Variants in OR51M1 observed in about 807,000 individuals in gnomAD.
The protein encoded by OR51M1 is olfactory receptor family 51 subfamily M member 1.
For synonymous variants in OR51M1, 199 were observed against 155.1 expected, an observed-to-expected ratio of 1.28 and a Z score of -2.10; for missense variants, 509 against 404.4, an observed-to-expected ratio of 1.26 and a Z score of -2.22.
intron 1 of OR51M1, among the ~76,000 whole-genome samples, chr11:5,384,213 T>C (rs1005499632): frequency 2.0e-5 from 3 of 152,190 alleles, no homozygotes; most frequent in African/African-American, 7.2e-5. Context: ...CTAGCTCTGT[T>C]ACCCAGGCTA....
Position 5,389,515 on chromosome 11 carries a change from T to A in OR51M1, c.117T>A (p.Ile39=). 1.2e-6 allele frequency: 2 copies of A among 1,613,966 alleles called. No homozygotes were observed. The highest frequency in any genetic ancestry group is 1.7e-6 in the Non-Finnish European group (2 of 1,179,888). The change falls in exon 3 of 3, where the codon ATT becomes ATA. Residue 39 remains isoleucine (I), a synonymous_variant. Coordinates refer to ENST00000642046, the MANE Select transcript of OR51M1 (RefSeq NM_001004756.3). ...GATTGGAAGGCATCAAACACTGGATTTTCATCCCCTTTTTCTTTATGTACA... is the reference window on the plus strand; with the variant it reads ...GATTGGAAGGCATCAAACACTGGATATTCATCCCCTTTTTCTTTATGTACA... ...FPGLEGIKHW[I]FIPFFFMYMV... is the part of the protein sequence containing the mutation.
intron 2 of OR51M1, among the ~76,000 whole-genome samples, chr11:5,386,508 T>C (rs529497476): frequency 1.3e-5 from 2 of 152,368 alleles, no homozygotes; most frequent in South Asian, 4.1e-4. Flanking sequence ...ATCTAAATCA[T>C]GTATGGCCTC....
chr11:5,391,951 C>A lies in OR51M1; in HGVS notation c.*1572C>A, dbSNP rs536248121. The A allele has an allele frequency of 6.6e-6, 1 of 152,238 alleles. No homozygotes were observed. Among genetic ancestry groups the A allele is most frequent in the Non-Finnish European group, 1.5e-5 (1 of 68,108 alleles). The allele number at this position is 152,238 out of a possible 1,614,324, so 9.4% of individuals were successfully genotyped here. A position where few individuals can be genotyped will look rare whatever the true frequency, so the allele number is the denominator to read the frequency against. On this transcript the variant is annotated 3_prime_UTR_variant, in exon 3 of 3. Coordinates refer to ENST00000642046, the MANE Select transcript of OR51M1 (RefSeq NM_001004756.3). ...ATGTGTGGCGGTGCACGTCTGTAGTCTCAGCTACCTGGGAGGCTGAGGTGG... is the reference window on the plus strand; with the variant it reads ...ATGTGTGGCGGTGCACGTCTGTAGTATCAGCTACCTGGGAGGCTGAGGTGG...
chr11:5,391,913 A>T lies in OR51M1; in HGVS notation c.*1534A>T, dbSNP rs1313794901. ...GCAAGACCCTATCTCTACAAAAAAAATTAAAATTAGCCATGTGTGGCGGTG... is the reference window on the plus strand; with the variant it reads ...GCAAGACCCTATCTCTACAAAAAAATTTAAAATTAGCCATGTGTGGCGGTG... On this transcript the variant is annotated 3_prime_UTR_variant, in exon 3 of 3. Transcript: ENST00000642046. 1 of 152,150 alleles carries T rather than the reference A, an allele frequency of 6.6e-6. No homozygotes were observed. 9.4% of individuals were successfully genotyped at this position (152,150 alleles called of 1,614,324 possible).
intron 2 of OR51M1, among the ~76,000 whole-genome samples, 183 bp from the exon 3 acceptor site, chr11:5,389,201 A>G (rs1221479525): frequency 6.6e-6 from 1 of 152,182 alleles, no homozygotes; most frequent in Non-Finnish European, 1.5e-5. Context: ...TAATTGAAAT[A>G]CAGAGGAAAA....
In OR51M1 at chr11:5,390,432, C is replaced by A. The variant is rs974167854; in HGVS notation, c.*53C>A. Reference sequence around the variant, plus strand: ...GCCTATAAGAAGGCCCCAAATTGGACTGAAAATTTGGAGTATTGAGTATAT... The same window carrying A: ...GCCTATAAGAAGGCCCCAAATTGGAATGAAAATTTGGAGTATTGAGTATAT... On this transcript the variant is annotated 3_prime_UTR_variant, in exon 3 of 3. Transcript: ENST00000642046. 13 of 1,451,064 alleles carry A rather than the reference C, an allele frequency of 9.0e-6. No individual in the cohort carries two copies. The highest frequency in any genetic ancestry group is 1.4e-5 in the African/African-American group (1 of 70,074). The allele number at this position is 1,451,064 out of a possible 1,614,324, so 89.9% of individuals were successfully genotyped here.
chr11:5,389,857 G>T lies in OR51M1; in HGVS notation c.459G>T (p.Val153=). Residue 153 remains valine (V), a synonymous_variant, in exon 3 of 3, where the codon GTG becomes GTT. Coordinates refer to ENST00000642046, the MANE Select transcript of OR51M1 (RefSeq NM_001004756.3). ...CGGTCATTATCACTGGCCAGCAAGT[G>T]GTCAGAGCAGGCCTAATTGTCATCT... ...RYSVIITGQQ[V]VRAGLIVIFR... 1 of 1,613,746 alleles carries T rather than the reference G, an allele frequency of 6.2e-7. No individual in the cohort carries two copies. Among genetic ancestry groups the T allele is most frequent in the Non-Finnish European group, 8.5e-7 (1 of 1,179,878 alleles).
chr11:5,391,566 G>C lies in OR51M1; in HGVS notation c.*1187G>C, dbSNP rs576135737. 6.6e-6 allele frequency: 1 copy of C among 152,206 alleles called. No individual in the cohort carries two copies. The highest frequency in any genetic ancestry group is 1.5e-5 in the Non-Finnish European group (1 of 68,042). 9.4% of individuals were successfully genotyped at this position (152,206 alleles called of 1,614,324 possible). The stretch of plus-strand genomic sequence containing the variant: ...ATATAGATACATAAAGAGGGATCCA[G>C]AGCTAACAGAAGTTCTCTTCTTGTC... On this transcript the variant is annotated 3_prime_UTR_variant, in exon 3 of 3. Transcript: ENST00000642046.
In OR51M1 at chr11:5,389,445, A is replaced by C; in HGVS notation, c.47A>C (p.Asn16Thr). ...SLSPQFMLLS[N>T]ITQFSPIFYL... ...AGTCCTCAATTCATGCTGCTATCCA[A>C]CATTACTCAGTTTAGCCCCATATTC... Residue 16 changes from asparagine to threonine, a missense_variant, in exon 3 of 3, where the codon AAC becomes ACC. Transcript: ENST00000642046. 6.2e-7 allele frequency: 1 copy of C among 1,613,928 alleles called. No homozygotes were observed. The highest frequency in any genetic ancestry group is 8.5e-7 in the Non-Finnish European group (1 of 1,179,824).
rs150462707 is a variant in OR51M1, at chr11:5,385,636, T to C, written c.-16+178T>C. 6.3e-3 allele frequency among the ~76,000 whole-genome samples: 960 copies of C among 152,054 alleles called. 11 individuals are homozygous for C. Among genetic ancestry groups the C allele is most frequent in the Non-Finnish European group, 9.9e-3 (671 of 67,980 alleles). On this transcript the variant is annotated intron_variant, in intron 2 of 2. Transcript: ENST00000642046. The stretch of plus-strand genomic sequence containing the variant: ...AAATTAATGGCAGTTTTTGCCAATA[T>C]AAATTTATGTTCTAAACATGTATAA...
chr11:5,386,817 A>T (rs1475198193), intron 2 of OR51M1, among the ~76,000 whole-genome samples: 1 of 143,494 alleles, frequency 7.0e-6, no homozygotes, highest in Non-Finnish European at 1.5e-5. Context: ...ATACAGAAAG[A>T]GGGAGAGGGT....
In OR51M1 at chr11:5,388,390, T is replaced by C. The variant is rs1454664694; in HGVS notation, c.-15-994T>C. Among the ~76,000 whole-genome samples the C allele has an allele frequency of 4.0e-5, 6 of 151,372 alleles. No homozygotes were observed. In the East Asian group the frequency reaches 1.2e-3, roughly 30 times the overall value. ...ATAGGAGAGGGTATTCAAACTAAACTTGGGGAATTTAAGAAGGCCTTCTGA... is the reference window on the plus strand; with the variant it reads ...ATAGGAGAGGGTATTCAAACTAAACCTGGGGAATTTAAGAAGGCCTTCTGA... On this transcript the variant is annotated intron_variant, in intron 2 of 2. Coordinates refer to ENST00000642046, the MANE Select transcript of OR51M1 (RefSeq NM_001004756.3).
In OR51M1 at chr11:5,393,191, G is replaced by C. The variant is rs543562314; in HGVS notation, c.*2812G>C. The C allele has an allele frequency of 6.6e-6, 1 of 152,094 alleles. No homozygotes were observed. Among genetic ancestry groups the C allele is most frequent in the Non-Finnish European group, 1.5e-5 (1 of 68,000 alleles). 9.4% of individuals were successfully genotyped at this position (152,094 alleles called of 1,614,324 possible). A position where few individuals can be genotyped will look rare whatever the true frequency, so the allele number is the denominator to read the frequency against. On this transcript the variant is annotated 3_prime_UTR_variant, in exon 3 of 3. Coordinates refer to ENST00000642046, the MANE Select transcript of OR51M1 (RefSeq NM_001004756.3). ...AGTTCTAAATCCATCTCCTAGGTCA[G>C]TGATCAATAAATATGTGTTGAACTA...
rs1302439677 is a variant in OR51M1, at chr11:5,391,008, C to T, written c.*629C>T. On this transcript the variant is annotated 3_prime_UTR_variant, in exon 3 of 3. Coordinates refer to ENST00000642046, the MANE Select transcript of OR51M1 (RefSeq NM_001004756.3). ...GAAGAGACTTTGATCCTATCCTTGA[C>T]TCCTCTCATCTCTGATTTTACCTTA... 6.6e-6 allele frequency: 1 copy of T among 152,268 alleles called. No homozygotes were observed. Among genetic ancestry groups the T allele is most frequent in the Non-Finnish European group, 1.5e-5 (1 of 68,090 alleles). 9.4% of individuals were successfully genotyped at this position (152,268 alleles called of 1,614,324 possible). A position where few individuals can be genotyped will look rare whatever the true frequency, so the allele number is the denominator to read the frequency against.
rs1464189487 is a variant in OR51M1 at position 5,391,481 on chromosome 11, T to C, written c.*1102T>C. 1 of 152,238 alleles carries C rather than the reference T, an allele frequency of 6.6e-6. No individual in the cohort carries two copies. The highest frequency in any genetic ancestry group is 2.4e-5 in the African/African-American group (1 of 41,454). 9.4% of individuals were successfully genotyped at this position (152,238 alleles called of 1,614,324 possible). A position where few individuals can be genotyped will look rare whatever the true frequency, so the allele number is the denominator to read the frequency against. ...CATGTCTTGCTCGCCAGTAAATGTA[T>C]ATAAATACAATGCCTAGCACATGCC... On this transcript the variant is annotated 3_prime_UTR_variant, in exon 3 of 3. Transcript: ENST00000642046.
At position 5,385,347 on chromosome 11, in the gene OR51M1, G is replaced by A. The variant is rs1849670807; in HGVS notation, c.-121-6G>A. 1.3e-5 allele frequency: 2 copies of A among 152,068 alleles called. No individual in the cohort carries two copies. Among genetic ancestry groups the A allele is most frequent in the East Asian group, 3.9e-4 (2 of 5,180 alleles). 9.4% of individuals were successfully genotyped at this position (152,068 alleles called of 1,614,324 possible). ...TAATCCCAGCCCTGTCATTGTCTCT[G>A]TATAGACATCTTGTTTCTACCAGAT... On this transcript the variant is annotated splice_polypyrimidine_tract_variant and splice_region_variant and intron_variant, in intron 1 of 2. Transcript: ENST00000642046.
Position 5,385,182 on chromosome 11 carries a change from C to T in OR51M1, c.-121-171C>T, listed in dbSNP as rs142038887. ...TTATGTTGTAATTAGATGTAACTGA[C>T]TGCTCTGAGTGGACTCCTCCATTGC... On this transcript the variant is annotated intron_variant, in intron 1 of 2. Coordinates refer to ENST00000642046, the MANE Select transcript of OR51M1 (RefSeq NM_001004756.3). Among the ~76,000 whole-genome samples the T allele has an allele frequency of 2.9e-3, 445 of 152,292 alleles. 1 individual carries two copies. The highest frequency in any genetic ancestry group is 0.01 in the African/African-American group (420 of 41,540).
chr11:5,385,120 G>C (rs907333064), intron 1 of OR51M1, among the ~76,000 whole-genome samples: 24 of 152,152 alleles, frequency 1.6e-4, no homozygotes, highest in African/African-American at 5.3e-4. Flanking sequence ...TTTCTCCTGT[G>C]ATCTAAGATG....
At chr11:5,388,513 G>C (rs1026644719) in intron 2 of OR51M1, among the ~76,000 whole-genome samples, 8 of 148,876 alleles carry the variant, frequency 5.4e-5, no homozygotes, top group Non-Finnish European at 1.2e-4. Context: ...TTTTATTCCA[G>C]GAAGAATGAA....
Sources: gnomAD v4.1 joint callset for allele counts (sites outside exome capture counted in the v4.1 genomes callset) on GRCh38, gnomAD v4.1.1 for gene constraint, MANE v1.5 for transcripts, NCBI Gene and HGNC (gene_info 2026-07-23, HGNC 2026-07-21) for gene names.